FAT3: variants seen among roughly 807,000 people sequenced by gnomAD.
FAT3 encodes protocadherin Fat 3.
A neutral mutation model predicts 310.2 loss-of-function variants in FAT3; 95 were observed. The ratio of observed to expected loss-of-function variants is 0.31; its 90% CI spans 0.26 to 0.36. The LOEUF (loss-of-function observed/expected upper bound fraction) is 0.36. Ranked by LOEUF, FAT3 falls within the 10% of genes least tolerant of loss-of-function variation. FAT3 has a pLI of 1.00. For synonymous variants in FAT3, 2,314 were observed against 2,192.9 expected (o/e 1.06, Z -1.54); for missense variants, 5,408 against 5,715.6 (o/e 0.95, Z 1.74).
At chr11:92,512,919 G>A (rs1236544081) in intron 2 of FAT3, among the ~76,000 whole-genome samples, 2 of 89,398 alleles carry the variant, frequency 2.2e-5, no homozygotes, top group East Asian at 3.3e-4. Flanking sequence ...TCAGGAGATC[G>A]AGACCATCCT....
chr11:92,840,657 G>A lies in FAT3; in HGVS notation c.10464G>A (p.Ser3488=). The A allele has an allele frequency of 3.1e-6, 5 of 1,612,954 alleles. No homozygotes were observed. Among genetic ancestry groups the A allele is most frequent in the Non-Finnish European group, 4.2e-6 (5 of 1,179,140 alleles). Residue 3488 remains serine (S), a synonymous_variant, in exon 18 of 28, where the codon TCG becomes TCA. Transcript: ENST00000525166. ...CTCCCTTTTCATTCTCTATTTTGTC[G>A]GGAAATGAAGAGGAGGAGTTTGTGT... ...NGPPFSFSIL[S]GNEEEEFVLD...
intron 3 of FAT3, among the ~76,000 whole-genome samples, chr11:92,618,226 A>ACC (rs1565461187): frequency 6.6e-6 from 1 of 152,182 alleles, no homozygotes; most frequent in Non-Finnish European, 1.5e-5. Flanking sequence ...GTTTGATCTC[A>ACC]GACTGCTGTG....
intron 4 of FAT3, among the ~76,000 whole-genome samples, chr11:92,705,178 C>A (rs1008395187): frequency 1.3e-5 from 2 of 152,214 alleles, no homozygotes; most frequent in Non-Finnish European, 2.9e-5. Flanking sequence ...GAACAAACCC[C>A]TCCTAAGCAG....
In FAT3 at chr11:92,583,640, T is replaced by C. The variant is rs558189625; in HGVS notation, c.3607+58692T>C. Among the ~76,000 whole-genome samples, 44 of 152,054 alleles carry C rather than the reference T, an allele frequency of 2.9e-4. 2 individuals carry two copies. In the South Asian group the frequency reaches 8.9e-3, roughly 31 times the overall value. On this transcript the variant is annotated intron_variant, in intron 3 of 27. Transcript: ENST00000525166. The stretch of plus-strand genomic sequence containing the variant: ...AATTTTCATCACGAAAGTTTCCCGC[T>C]TTACCCAGCCCTGCCTCTAAAGCTC...
intron 3 of FAT3, among the ~76,000 whole-genome samples, chr11:92,641,822 T>C (rs537845449): frequency 9.8e-5 from 15 of 152,394 alleles, no homozygotes; most frequent in African/African-American, 3.6e-4. Flanking sequence ...TTATCATTTA[T>C]GTTAAGTTTA....
intron 1 of FAT3, among the ~76,000 whole-genome samples, chr11:92,262,918 C>T (rs1183560066): frequency 6.6e-6 from 1 of 151,858 alleles, no homozygotes; most frequent in Admixed American, 6.6e-5. Context: ...TTACTGTCGT[C>T]AAGGTGGCTA....
At chr11:92,362,907 A>T (rs191976828) in intron 2 of FAT3, among the ~76,000 whole-genome samples, 1 of 152,236 alleles carries the variant, frequency 6.6e-6, no homozygotes, top group African/African-American at 2.4e-5. Flanking sequence ...TAATTATCCA[A>T]TGCTTTTTTA....
chr11:92,690,290 T>C (rs1261150753), intron 3 of FAT3, among the ~76,000 whole-genome samples: 2 of 152,206 alleles, frequency 1.3e-5, no homozygotes, highest in Non-Finnish European at 2.9e-5. Flanking sequence ...CATACTTTGG[T>C]TTAAAATGTA....
intron 1 of FAT3, among the ~76,000 whole-genome samples, chr11:92,234,161 C>T (rs2134235839): frequency 6.6e-6 from 1 of 152,312 alleles, no homozygotes; most frequent in Non-Finnish European, 1.5e-5. Flanking sequence ...GGAAAATACA[C>T]TCTTTATTTA....
intron 13 of FAT3, among the ~76,000 whole-genome samples, chr11:92,810,699 A>G (rs1304514358): frequency 6.6e-6 from 1 of 152,206 alleles, no homozygotes; most frequent in Non-Finnish European, 1.5e-5. Context: ...AATAAAGTTT[A>G]TGCTCAGATC....
Position 92,427,404 on chromosome 11 carries a change from T to C in FAT3, c.3292+72000T>C, listed in dbSNP as rs538473251. On this transcript the variant is annotated intron_variant, in intron 2 of 27. Transcript: ENST00000525166. ...GCCCTGGCCAGAACTTCCAATACTA[T>C]GTTGAATAGGAGTAGTGAGAGAGGG... Among the ~76,000 whole-genome samples, 9 of 152,320 alleles carry C rather than the reference T, an allele frequency of 5.9e-5. No individual in the cohort carries two copies. The South Asian group carries it at 1.4e-3, about 25-fold the overall frequency.
At chr11:92,759,611 C>T (rs551082000) in intron 4 of FAT3, among the ~76,000 whole-genome samples, 1 of 152,184 alleles carries the variant, frequency 6.6e-6, no homozygotes, top group Admixed American at 6.5e-5. Context: ...CCTGAGGGAG[C>T]TGGGTGCTTG....
chr11:92,784,865 G>T (rs78852185), intron 7 of FAT3, among the ~76,000 whole-genome samples: 116 of 152,160 alleles, frequency 7.6e-4, no homozygotes, highest in Non-Finnish European at 1.3e-3. Context: ...GTCAGGGCAG[G>T]CTTGCTGGCC....
intron 12 of FAT3, among the ~76,000 whole-genome samples, chr11:92,808,031 C>A (rs941248406): frequency 2.4e-4 from 36 of 152,110 alleles, no homozygotes; most frequent in Non-Finnish European, 4.6e-4. Flanking sequence ...TTGCATCCTA[C>A]AAGGAAGCAC....
At chr11:92,792,267 A>T (rs931568030) in intron 8 of FAT3, among the ~76,000 whole-genome samples, 1 of 152,214 alleles carries the variant, frequency 6.6e-6, no homozygotes, top group African/African-American at 2.4e-5. Flanking sequence ...ACTGTATCCA[A>T]TTCACTGCTG....
At chr11:92,725,725 T>G (rs1023150349) in intron 4 of FAT3, among the ~76,000 whole-genome samples, 7 of 152,162 alleles carry the variant, frequency 4.6e-5, no homozygotes, top group Non-Finnish European at 8.8e-5. Flanking sequence ...AGAAGCATAC[T>G]AACATCAGCT....
At chr11:92,419,622 A>T (rs1950497025) in intron 2 of FAT3, among the ~76,000 whole-genome samples, 3 of 152,144 alleles carry the variant, frequency 2.0e-5, no homozygotes, top group African/African-American at 7.2e-5. Context: ...GCTTATCTTC[A>T]TGATTGGATT....
chr11:92,350,228 A>G (rs773583769), intron 1 of FAT3, among the ~76,000 whole-genome samples: 4 of 152,160 alleles, frequency 2.6e-5, no homozygotes, highest in Admixed American at 1.3e-4. Flanking sequence ...CGAGATAGGA[A>G]AATGAGGTTT....
chr11:92,379,888 C>T (rs549374902), intron 2 of FAT3, among the ~76,000 whole-genome samples: 17 of 152,110 alleles, frequency 1.1e-4, no homozygotes, highest in Non-Finnish European at 1.8e-4. Context: ...GGAATCAGGC[C>T]ATAGTCTGGA....
Sources: allele counts gnomAD v4.1 joint callset (sites outside exome capture counted in the v4.1 genomes callset), GRCh38; gene constraint gnomAD v4.1.1; transcripts MANE v1.5; gene names NCBI Gene and HGNC (gene_info 2026-07-23, HGNC 2026-07-21).